Variants in MYH11 observed in about 807,000 individuals in gnomAD.
MYH11 encodes myosin heavy chain 11.
Under a neutral mutation model 246.6 loss-of-function variants are expected in MYH11, and 80 were observed. The ratio of observed to expected loss-of-function variants is 0.32; its 90% CI spans 0.27 to 0.39. The LOEUF (loss-of-function observed/expected upper bound fraction) is 0.39. Ranked by LOEUF, MYH11 falls within the 10% of genes least tolerant of loss-of-function variation. MYH11 has a pLI of 1.00. For missense variants in MYH11, 2,158 were observed against 2,546.8 expected (o/e 0.85, Z 3.29); for synonymous variants, 1,071 against 1,015.5 (o/e 1.05, Z -1.04).
intron 2 of MYH11, among the ~76,000 whole-genome samples, chr16:15,826,142 G>A (rs117904320): frequency 1.5e-4 from 23 of 151,034 alleles, no homozygotes; most frequent in East Asian, 3.9e-4. Context: ...CTGATCGTTC[G>A]TTCATTCATT....
At chr16:15,778,020 G>A (rs964457517) in intron 7 of MYH11, among the ~76,000 whole-genome samples, 6 of 152,108 alleles carry the variant, frequency 3.9e-5, no homozygotes, top group Non-Finnish European at 7.3e-5. Context: ...AAGAAGCTAA[G>A]TCAGGCCCCC....
intron 20 of MYH11, among the ~76,000 whole-genome samples, chr16:15,742,723 C>T (rs146700715): frequency 2.2e-3 from 336 of 152,154 alleles, no homozygotes; most frequent in African/African-American, 7.7e-3. Flanking sequence ...ACAGTGAGAC[C>T]CTGTCTCCAC....
At chr16:15,760,713 G>C in intron 10 of MYH11, 55 bp from the exon 11 acceptor site, 1 of 1,181,114 alleles carries the variant, frequency 8.5e-7, no homozygotes, top group African/African-American at 1.5e-5. Flanking sequence ...AGCTTGGCAA[G>C]AAGACACATC....
At chr16:15,842,890 T>C (rs1360019001) in intron 1 of MYH11, among the ~76,000 whole-genome samples, 1 of 151,914 alleles carries the variant, frequency 6.6e-6, no homozygotes, top group East Asian at 1.9e-4. Flanking sequence ...TTGTCCTAAG[T>C]TTAACAATCC....
At chr16:15,851,421 A>G (rs543289167) in intron 1 of MYH11, among the ~76,000 whole-genome samples, 1 of 152,202 alleles carries the variant, frequency 6.6e-6, no homozygotes, top group African/African-American at 2.4e-5. Context: ...TGCTATTGCT[A>G]TTTTCCTGCT....
At chr16:15,727,806 T>A (rs2040840417) in intron 27 of MYH11, among the ~76,000 whole-genome samples, 1 of 151,620 alleles carries the variant, frequency 6.6e-6, no homozygotes, top group Non-Finnish European at 1.5e-5. Flanking sequence ...GACCCCCATC[T>A]CTACTAAAAT....
intron 27 of MYH11, among the ~76,000 whole-genome samples, chr16:15,728,210 C>A (rs2040854586): frequency 6.6e-6 from 1 of 152,140 alleles, no homozygotes; most frequent in African/African-American, 2.4e-5. Context: ...GCCTGGGTAA[C>A]AGAGTGAGAC....
At chr16:15,789,952 C>T (rs1209732125) in intron 4 of MYH11, among the ~76,000 whole-genome samples, 1 of 152,152 alleles carries the variant, frequency 6.6e-6, no homozygotes, top group African/African-American at 2.4e-5. Context: ...TTCTCCTTTC[C>T]CACAATAGTT....
chr16:15,745,019 C>A (rs2041378445), intron 20 of MYH11, 110 bp downstream of exon 20: 1 of 832,510 alleles, frequency 1.2e-6, no homozygotes. Context: ...GAGTTCGAGC[C>A]CTCCATTCCA....
chr16:15,763,741 T>TGGGGGCCCCCCC, intron 10 of MYH11, 55 bp downstream of exon 10: 2 of 646,840 alleles, frequency 3.1e-6, no homozygotes, highest in Non-Finnish European at 5.8e-6. Context: ...AAATGTCACC[T>TGGGGGCCCCCCC]CCCCCACCCC....
chr16:15,814,689 G>GC (rs1036540217), intron 3 of MYH11, among the ~76,000 whole-genome samples: 1 of 150,846 alleles, frequency 6.6e-6, no homozygotes, highest in African/African-American at 2.4e-5. Context: ...AACTGGCAAT[G>GC]CCAGGGGCCT....
chr16:15,736,327 G>A (rs2041116560), intron 25 of MYH11, among the ~76,000 whole-genome samples: 1 of 152,154 alleles, frequency 6.6e-6, no homozygotes, highest in Non-Finnish European at 1.5e-5. Flanking sequence ...TGCCCAGGCT[G>A]GAGTGCAGTG....
chr16:15,823,680 G>T (rs62030638), intron 2 of MYH11, among the ~76,000 whole-genome samples: 1 of 151,910 alleles, frequency 6.6e-6, no homozygotes, highest in Non-Finnish European at 1.5e-5. Context: ...GCTGGAGTGC[G>T]GTGGTGTGAA....
intron 40 of MYH11, among the ~76,000 whole-genome samples, chr16:15,705,143 G>T (rs1197508315): frequency 1.3e-5 from 2 of 151,944 alleles, no homozygotes; most frequent in African/African-American, 4.8e-5. Flanking sequence ...TGCCACGCCT[G>T]GCTAATTTTT....
chr16:15,732,889 C>G, intron 26 of MYH11, 181 bp from the exon 27 acceptor site: 1 of 697,814 alleles, frequency 1.4e-6, no homozygotes, highest in South Asian at 1.7e-5. Context: ...TCCTCAGCTG[C>G]AAAATGTGGA....
intron 7 of MYH11, among the ~76,000 whole-genome samples, chr16:15,777,097 G>GCAGACATACACACA (rs750248562): frequency 3.4e-4 from 49 of 145,546 alleles, no homozygotes; most frequent in South Asian, 6.4e-4. Flanking sequence ...GTATACACAC[G>GCAGACATACACACA]CACACATACA....
At chr16:15,767,832 C>T (rs114605679) in intron 9 of MYH11, among the ~76,000 whole-genome samples, 2 of 151,880 alleles carry the variant, frequency 1.3e-5, no homozygotes, top group East Asian at 1.9e-4. Context: ...AAGCCAGGAA[C>T]AGCCAGAGCC....
At chr16:15,762,789 A>G in intron 10 of MYH11, among the ~76,000 whole-genome samples, 1 of 152,216 alleles carries the variant, frequency 6.6e-6, no homozygotes, top group East Asian at 1.9e-4. Flanking sequence ...ACTCTATCGC[A>G]ATTCCCCTGT....
chr16:15,843,831 C>T (rs1219737264), intron 1 of MYH11, among the ~76,000 whole-genome samples: 1 of 152,084 alleles, frequency 6.6e-6, no homozygotes, highest in Non-Finnish European at 1.5e-5. Flanking sequence ...GTCAGTAGGA[C>T]TGGGATGGGG....
Sources: allele counts gnomAD v4.1 joint callset (sites outside exome capture counted in the v4.1 genomes callset), GRCh38; gene constraint gnomAD v4.1.1; transcripts MANE v1.5; gene names NCBI Gene and HGNC (gene_info 2026-07-23, HGNC 2026-07-21).